CSMD2: variants seen among roughly 807,000 people sequenced by gnomAD.
The protein encoded by CSMD2 is CUB and Sushi multiple domains 2, also known as CUB and sushi domain-containing protein 2.
In CSMD2, 130 loss-of-function variants were observed where a neutral mutation model predicts 398.5. The ratio of observed to expected loss-of-function variants is 0.33; its 90% confidence interval spans 0.28 to 0.38. The LOEUF (loss-of-function observed/expected upper bound fraction) is 0.38. Ranked by LOEUF, CSMD2 falls within the 10% of genes least tolerant of loss-of-function variation. CSMD2 has a pLI of 1.00. For missense variants in CSMD2, 3,829 were observed against 4,764.9 expected (o/e 0.80, Z 5.78); for synonymous variants, 1,828 against 1,908.5 (o/e 0.96, Z 1.10).
intron 1 of CSMD2, among the ~76,000 whole-genome samples, chr1:34,125,990 C>T (rs571945032): frequency 6.6e-6 from 1 of 152,298 alleles, no homozygotes; most frequent in Admixed American, 6.5e-5. Context: ...GGTTGTGAAG[C>T]CCCAGCCTCA....
chr1:34,017,042 C>G (rs1648230118), intron 3 of CSMD2, among the ~76,000 whole-genome samples: 1 of 152,128 alleles, frequency 6.6e-6, no homozygotes, highest in Non-Finnish European at 1.5e-5. Context: ...GTACATCTTA[C>G]AGTCAATAGA....
At chr1:33,652,731 G>C (rs1293744140) in intron 27 of CSMD2, among the ~76,000 whole-genome samples, 1 of 152,162 alleles carries the variant, frequency 6.6e-6, no homozygotes, top group Non-Finnish European at 1.5e-5. Flanking sequence ...TATGTTAGGT[G>C]CATTTCACCT....
intron 3 of CSMD2, among the ~76,000 whole-genome samples, chr1:33,980,803 G>A (rs1242991514): frequency 3.3e-5 from 5 of 152,186 alleles, no homozygotes; most frequent in Non-Finnish European, 7.3e-5. Flanking sequence ...ATGATGAAAC[G>A]AAGGAAAATG....
chr1:33,971,588 A>T (rs983442657), intron 3 of CSMD2, among the ~76,000 whole-genome samples: 11 of 152,244 alleles, frequency 7.2e-5, no homozygotes, highest in African/African-American at 2.4e-4. Flanking sequence ...TTGGAGTCAC[A>T]TCCTCGTGAA....
intron 24 of CSMD2, among the ~76,000 whole-genome samples, chr1:33,694,927 T>C (rs1645368034): frequency 6.6e-6 from 1 of 152,136 alleles, no homozygotes; most frequent in African/African-American, 2.4e-5. Flanking sequence ...GATACTGCCC[T>C]CCCCTGGAAG....
At chr1:33,932,515 A>G (rs1467179438) in intron 4 of CSMD2, among the ~76,000 whole-genome samples, 1 of 152,136 alleles carries the variant, frequency 6.6e-6, no homozygotes, top group African/African-American at 2.4e-5. Context: ...GCCCAGGCCC[A>G]TGAATTACTG....
chr1:33,749,762 T>C lies in CSMD2; in HGVS notation c.1847-6156A>G, dbSNP rs1017041037. ...CATAACATATGAAATATGGATAAGA[T>C]GGAGCATTTCCTAGAGAAATTTGAA... On this transcript the variant is annotated intron_variant, in intron 13 of 70. Transcript: ENST00000373381. Among the ~76,000 whole-genome samples the C allele has an allele frequency of 2.6e-5, 4 of 152,324 alleles. No homozygotes were observed. In the East Asian group the frequency reaches 5.8e-4, roughly 22 times the overall value.
chr1:33,977,873 A>C (rs1318664802), intron 3 of CSMD2, among the ~76,000 whole-genome samples: 2 of 152,136 alleles, frequency 1.3e-5, no homozygotes, highest in African/African-American at 4.8e-5. Context: ...ATTAGAAAAA[A>C]ATCGCAACAG....
intron 26 of CSMD2, among the ~76,000 whole-genome samples, chr1:33,660,597 G>T (rs1218610870): frequency 1.3e-5 from 2 of 152,190 alleles, no homozygotes; most frequent in African/African-American, 4.8e-5. Flanking sequence ...CAGCAACAGG[G>T]AAGGTGACCT....
At chr1:33,838,847 C>A (rs768435474) in intron 6 of CSMD2, 2 of 152,884 alleles carry the variant, frequency 1.3e-5, no homozygotes, top group Non-Finnish European at 2.9e-5. Context: ...TGGGGTGGCA[C>A]CACCATTGCT....
At chr1:34,131,410 ACACAGGCCAGCCTGCCT>A in intron 1 of CSMD2, among the ~76,000 whole-genome samples, 2 of 152,288 alleles carry the variant, frequency 1.3e-5, no homozygotes, top group East Asian at 3.9e-4. Context: ...CAAGTTACTT[ACACAGGCCAGCCTGCCT>A]GGGGATGTCC....
chr1:33,548,698 C>T (rs1161546132), intron 56 of CSMD2, among the ~76,000 whole-genome samples: 4 of 152,224 alleles, frequency 2.6e-5, no homozygotes, highest in African/African-American at 9.6e-5. Context: ...TTCTTCTCAT[C>T]CCTTATGTTC....
intron 2 of CSMD2, among the ~76,000 whole-genome samples, chr1:34,084,131 T>A (rs1309752431): frequency 6.6e-6 from 1 of 152,136 alleles, no homozygotes; most frequent in African/African-American, 2.4e-5. Context: ...CAGAGCCTCA[T>A]CCTCATGGCT....
At chr1:33,561,291 G>A (rs1399874150) in intron 53 of CSMD2, among the ~76,000 whole-genome samples, 4 of 152,216 alleles carry the variant, frequency 2.6e-5, no homozygotes, top group Non-Finnish European at 5.9e-5. Flanking sequence ...GGGGTTCAAA[G>A]CAGCCTGGCA....
Position 33,635,414 on chromosome 1 carries a change from T to C in CSMD2, c.4970-84A>G. 2 of 840,568 alleles carry C rather than the reference T, an allele frequency of 2.4e-6. No homozygotes were observed. The highest frequency in any genetic ancestry group is 3.9e-6 in the Non-Finnish European group (2 of 518,418). The allele number at this position is 840,568 out of a possible 1,614,324, so 52.1% of individuals were successfully genotyped here. A position where few individuals can be genotyped will look rare whatever the true frequency, so the allele number is the denominator to read the frequency against. On this transcript the variant is annotated intron_variant, in intron 30 of 70. Coordinates refer to ENST00000373381, the MANE Select transcript of CSMD2 (RefSeq NM_001281956.2). This position sits in a 1 kb window ranked among gnomAD's most constrained non-coding sequence, Gnocchi z 5.0. Reference sequence around the variant, plus strand: ...TCCTCTGTTCTGCCCCAGCCTGAGCTTCTGGCCCCAGTAGGGCTGCCCTGA... The same window carrying C: ...TCCTCTGTTCTGCCCCAGCCTGAGCCTCTGGCCCCAGTAGGGCTGCCCTGA...
At chr1:34,108,005 A>G (rs1459564442) in intron 1 of CSMD2, among the ~76,000 whole-genome samples, 1 of 152,232 alleles carries the variant, frequency 6.6e-6, no homozygotes, top group Non-Finnish European at 1.5e-5. Flanking sequence ...TCACTGTTAA[A>G]TCCCAACACA....
intron 3 of CSMD2, among the ~76,000 whole-genome samples, chr1:34,025,270 T>C (rs1396528758): frequency 6.6e-6 from 1 of 152,104 alleles, no homozygotes; most frequent in African/African-American, 2.4e-5. Context: ...TGTCTTTTTT[T>C]TTCCAGAAGT....
chr1:33,672,929 C>T (rs559244098), intron 25 of CSMD2, among the ~76,000 whole-genome samples: 2 of 152,304 alleles, frequency 1.3e-5, no homozygotes, highest in South Asian at 2.1e-4. Context: ...AACTAACAAA[C>T]AGAAAGGACA....
At chr1:33,952,876 A>C (rs1645052234) in intron 3 of CSMD2, among the ~76,000 whole-genome samples, 1 of 152,236 alleles carries the variant, frequency 6.6e-6, no homozygotes, top group Non-Finnish European at 1.5e-5. Context: ...ATGGATGACA[A>C]CCTCAATGAA....
Sources: allele counts gnomAD v4.1 joint callset (sites outside exome capture counted in the v4.1 genomes callset), GRCh38; gene constraint gnomAD v4.1.1; non-coding constraint Gnocchi (gnomAD v3.1); transcripts MANE v1.5; gene names NCBI Gene and HGNC (gene_info 2026-07-23, HGNC 2026-07-21).